RPS6KA5: variants seen among roughly 807,000 people sequenced by gnomAD.
The protein encoded by RPS6KA5 is ribosomal protein S6 kinase alpha-5.
Under a neutral mutation model 85.5 loss-of-function variants are expected in RPS6KA5, and 27 were observed. That is an observed-to-expected ratio of 0.32 (90% CI 0.23 to 0.44). The LOEUF (loss-of-function observed/expected upper bound fraction) is 0.44. Among genes scored for constraint, RPS6KA5 ranks in the 20% least tolerant of loss-of-function variants. The probability of loss-of-function intolerance (pLI) is 1.00; values close to 1 mark genes in which losing one functional copy is unlikely to be tolerated. For missense variants in RPS6KA5, 811 were observed against 980.9 expected, an observed-to-expected ratio of 0.83 and a Z score of 2.31; for synonymous variants, 334 against 348.2, an observed-to-expected ratio of 0.96 and a Z score of 0.46.
intron 1 of RPS6KA5, among the ~76,000 whole-genome samples, chr14:91,007,548 G>C (rs1261787778): frequency 3.9e-5 from 6 of 151,970 alleles, no homozygotes; most frequent in Non-Finnish European, 7.4e-5. Flanking sequence ...TAATCATTTA[G>C]GGAAAAAGAG....
intron 2 of RPS6KA5, among the ~76,000 whole-genome samples, chr14:90,997,133 A>G (rs1160942887): frequency 5.9e-5 from 9 of 152,208 alleles, no homozygotes; most frequent in African/African-American, 2.2e-4. Flanking sequence ...AACCTGTAGT[A>G]AAAAAGGAAG....
intron 14 of RPS6KA5, among the ~76,000 whole-genome samples, chr14:90,887,689 G>A (rs1482994025): frequency 1.3e-5 from 2 of 151,746 alleles, no homozygotes; most frequent in East Asian, 3.9e-4. Context: ...GGGCACTGTG[G>A]CTCATGCCTG....
chr14:91,021,597 G>T (rs538610436), intron 1 of RPS6KA5, among the ~76,000 whole-genome samples: 1 of 152,274 alleles, frequency 6.6e-6, no homozygotes, highest in Admixed American at 6.5e-5. Context: ...ATTTTTAGTA[G>T]AGACAGGGAT....
intron 1 of RPS6KA5, among the ~76,000 whole-genome samples, chr14:91,051,546 T>C (rs1433235902): frequency 2.6e-5 from 4 of 152,174 alleles, no homozygotes; most frequent in African/African-American, 9.7e-5. Context: ...TGGAATGCAA[T>C]GGTGCGATCG....
chr14:90,963,755 G>A (rs1384447888), intron 3 of RPS6KA5, among the ~76,000 whole-genome samples: 1 of 152,174 alleles, frequency 6.6e-6, no homozygotes. Context: ...AGAGAGATTA[G>A]GCGACTTGCC....
At position 90,900,753 on chromosome 14, in the gene RPS6KA5, G is replaced by T. The variant is rs764662799; in HGVS notation, c.1120-17C>A. On this transcript the variant is annotated splice_polypyrimidine_tract_variant and intron_variant, in intron 9 of 16. Coordinates refer to ENST00000614987, the MANE Select transcript of RPS6KA5 (RefSeq NM_004755.4). The stretch of plus-strand genomic sequence containing the variant: ...GGAATAGCCCTAAAAACAAGACAAA[G>T]AAAGATAAAGAAAAACAACTTGCAG... 15 of 1,589,286 alleles carry T rather than the reference G, an allele frequency of 9.4e-6. No homozygotes were observed. In the East Asian group the frequency reaches 3.2e-4, roughly 33 times the overall value.
At chr14:91,033,417 A>G (rs1026463819) in intron 1 of RPS6KA5, among the ~76,000 whole-genome samples, 3 of 152,082 alleles carry the variant, frequency 2.0e-5, no homozygotes, top group Non-Finnish European at 4.4e-5. Flanking sequence ...CCTGGCCAAC[A>G]TGGCAAAACC....
intron 1 of RPS6KA5, among the ~76,000 whole-genome samples, chr14:91,019,168 G>A (rs1185023556): frequency 6.6e-6 from 1 of 152,218 alleles, no homozygotes; most frequent in East Asian, 1.9e-4. Flanking sequence ...AAAAGGGGTA[G>A]ACTTGTGGGA....
At chr14:90,992,280 G>C (rs903593825) in intron 2 of RPS6KA5, among the ~76,000 whole-genome samples, 2 of 152,082 alleles carry the variant, frequency 1.3e-5, no homozygotes, top group Non-Finnish European at 2.9e-5. Context: ...CTTCTCATAA[G>C]AGACTACACT....
chr14:90,990,049 T>C (rs1442848848), intron 2 of RPS6KA5, among the ~76,000 whole-genome samples: 1 of 151,508 alleles, frequency 6.6e-6, no homozygotes, highest in Non-Finnish European at 1.5e-5. Context: ...TTTGGACAGG[T>C]GGAAAAAAAG....
chr14:91,020,821 T>C (rs1248619621), intron 1 of RPS6KA5, among the ~76,000 whole-genome samples: 1 of 152,146 alleles, frequency 6.6e-6, no homozygotes, highest in African/African-American at 2.4e-5. Context: ...CATCTGGAAG[T>C]TTCTCAATTT....
At chr14:90,879,418 C>T (rs2033682659) in intron 14 of RPS6KA5, among the ~76,000 whole-genome samples, 1 of 152,236 alleles carries the variant, frequency 6.6e-6, no homozygotes, top group Non-Finnish European at 1.5e-5. Flanking sequence ...ACATGGCAGA[C>T]TCAGCAAAGA....
rs1319767547 is a variant in RPS6KA5 at position 91,060,554 on chromosome 14, T to A, written c.-120A>T. 2 of 1,185,352 alleles carry A rather than the reference T, an allele frequency of 1.7e-6. No individual in the cohort carries two copies. The highest frequency in any genetic ancestry group is 1.1e-6 in the Non-Finnish European group (1 of 942,190). 73.4% of individuals were successfully genotyped at this position (1,185,352 alleles called of 1,614,324 possible). A position where few individuals can be genotyped will look rare whatever the true frequency, so the allele number is the denominator to read the frequency against. ...AGTCGGGGTGCGGCGGCTCCAGAAC[T>A]CGGACGCAAAGACGAGTCTCTTTCC... On this transcript the variant is annotated 5_prime_UTR_variant, in exon 1 of 17. Transcript: ENST00000614987.
chr14:90,917,735 T>C (rs1238230793), intron 7 of RPS6KA5, among the ~76,000 whole-genome samples: 2 of 151,820 alleles, frequency 1.3e-5, no homozygotes, highest in Admixed American at 1.3e-4. Context: ...AATCATTCCT[T>C]TTTTTTAAAA....
chr14:90,958,289 A>T (rs2038627749), intron 3 of RPS6KA5, among the ~76,000 whole-genome samples: 2 of 152,228 alleles, frequency 1.3e-5, no homozygotes, highest in African/African-American at 2.4e-5. Flanking sequence ...TTGCATCCAT[A>T]GTTCAACTTA....
chr14:90,910,886 C>A (rs1273997819), intron 7 of RPS6KA5, among the ~76,000 whole-genome samples: 1 of 151,988 alleles, frequency 6.6e-6, no homozygotes, highest in Non-Finnish European at 1.5e-5. Flanking sequence ...AGGGTTTCAC[C>A]GTGTTAGCCA....
intron 14 of RPS6KA5, among the ~76,000 whole-genome samples, chr14:90,879,588 T>C (rs566292685): frequency 6.6e-6 from 1 of 152,282 alleles, no homozygotes; most frequent in Non-Finnish European, 1.5e-5. Context: ...CAGAGGTCTG[T>C]TCCATGAGCT....
chr14:91,044,359 GAA>G (rs1566901961), intron 1 of RPS6KA5, among the ~76,000 whole-genome samples: 1 of 15,702 alleles, frequency 6.4e-5, no homozygotes, highest in East Asian at 8.9e-3. Flanking sequence ...AAGAAAGAAA[GAA>G]AGAGAAAGAA....
intron 2 of RPS6KA5, among the ~76,000 whole-genome samples, chr14:90,993,446 A>G (rs2040390625): frequency 6.8e-6 from 1 of 147,944 alleles, no homozygotes; most frequent in African/African-American, 2.7e-5. Context: ...TCTCAAAAAA[A>G]ACAACAAGAC....
Sources: allele counts gnomAD v4.1 joint callset (sites outside exome capture counted in the v4.1 genomes callset), GRCh38; gene constraint gnomAD v4.1.1; transcripts MANE v1.5; gene names NCBI Gene and HGNC (gene_info 2026-07-23, HGNC 2026-07-21).